Variants in HERC4 observed in about 807,000 individuals in gnomAD.
The protein encoded by HERC4 is HECT and RLD domain containing E3 ubiquitin protein ligase 4, also known as probable E3 ubiquitin-protein ligase HERC4.
HERC4 carries 28 observed loss-of-function variants against 124.3 expected under a neutral mutation model. The ratio of observed to expected loss-of-function variants is 0.23; its 90% CI spans 0.17 to 0.31. HERC4 has a LOEUF of 0.31. Among genes scored for constraint, HERC4 ranks in the 10% least tolerant of loss-of-function variants. HERC4 has a pLI of 1.00. For synonymous variants in HERC4, 407 were observed against 421.5 expected (o/e 0.97, Z 0.42); for missense variants, 713 against 1,229.3 (o/e 0.58, Z 6.28).
At chr10:67,991,441 T>C (rs1469717769) in intron 11 of HERC4, among the ~76,000 whole-genome samples, 9 of 152,204 alleles carry the variant, frequency 5.9e-5, no homozygotes, top group Admixed American at 5.9e-4. Context: ...ATTTATCCAA[T>C]GTTATCTGCT....
rs149190990 is a variant in HERC4 at position 67,980,225 on chromosome 10, C to T, written c.1806+8438G>A. 4.2e-3 allele frequency among the ~76,000 whole-genome samples: 645 copies of T among 152,230 alleles called. 5 individuals carry two copies. The highest frequency in any genetic ancestry group is 0.015 in the African/African-American group (616 of 41,540). On this transcript the variant is annotated intron_variant, in intron 15 of 24. Coordinates refer to ENST00000373700, the MANE Select transcript of HERC4 (RefSeq NM_015601.4). ...CTTCCAGATAGTCATCAAAACAGCA[C>T]GGTACTGGCATGATTCTCCTGTCTC...
chr10:67,942,202 T>C (rs930476616), intron 19 of HERC4, among the ~76,000 whole-genome samples: 23 of 152,224 alleles, frequency 1.5e-4, no homozygotes, highest in African/African-American at 4.1e-4. Context: ...TTTAGCAGTC[T>C]AGCCTCTGTG....
intron 17 of HERC4, chr10:67,955,341 T>C (rs542243662): frequency 1.7e-5 from 8 of 465,558 alleles, no homozygotes; most frequent in South Asian, 2.9e-5. Context: ...TAATGTATAA[T>C]GTATAACTCA....
At chr10:68,000,887 G>C (rs370042921) in intron 9 of HERC4, among the ~76,000 whole-genome samples, 2 of 152,158 alleles carry the variant, frequency 1.3e-5, no homozygotes, top group Non-Finnish European at 2.9e-5. Flanking sequence ...CGGACTTCTA[G>C]TCTGCAGAAT....
At position 68,038,080 on chromosome 10, in the gene HERC4, A is replaced by AACTAAT; in HGVS notation, c.463+7_463+12dup. On this transcript the variant is annotated intron_variant, in intron 5 of 24. Transcript: ENST00000373700. ...TAAAACTGAAGAGAAATAAAATAAAAACTAATGCTTACCTTTAGAAAGTGC... is the reference window on the plus strand; with the variant it reads ...TAAAACTGAAGAGAAATAAAATAAAAACTAATACTAATGCTTACCTTTAGAAAGTGC... 1 of 1,404,210 alleles carries AACTAAT rather than the reference A, an allele frequency of 7.1e-7. No homozygotes were observed. The highest frequency in any genetic ancestry group is 9.7e-7 in the Non-Finnish European group (1 of 1,032,332). 87.0% of individuals were successfully genotyped at this position (1,404,210 alleles called of 1,614,324 possible).
At chr10:68,073,281 A>C (rs2041655782) in intron 2 of HERC4, 95 bp from the exon 3 acceptor site, 2 of 581,670 alleles carry the variant, frequency 3.4e-6, no homozygotes, top group Non-Finnish European at 6.1e-6. Context: ...CTACATGGTA[A>C]ACATTAAATA....
At chr10:67,941,366 T>A (rs983017231) in intron 19 of HERC4, among the ~76,000 whole-genome samples, 13 of 151,088 alleles carry the variant, frequency 8.6e-5, no homozygotes, top group African/African-American at 3.1e-4. Flanking sequence ...AACTGTTTTC[T>A]CCCAGACATA....
At chr10:67,950,031 A>G (rs1589159569) in intron 19 of HERC4, among the ~76,000 whole-genome samples, 1 of 151,964 alleles carries the variant, frequency 6.6e-6, no homozygotes, top group Non-Finnish European at 1.5e-5. Flanking sequence ...AAAAAAACAA[A>G]AAACAAAACA....
chr10:67,972,178 C>T (rs2035276129), intron 15 of HERC4, among the ~76,000 whole-genome samples: 1 of 144,360 alleles, frequency 6.9e-6, no homozygotes. Flanking sequence ...CTCACCATTG[C>T]ACTCCAGTCT....
At position 67,966,915 on chromosome 10, in the gene HERC4, C is replaced by T. The variant is rs926385374; in HGVS notation, c.1807-113G>A. The T allele has an allele frequency of 7.2e-6, 5 of 694,992 alleles. No individual in the cohort carries two copies. In the African/African-American group the frequency reaches 7.6e-5, roughly 11 times the overall value. The allele number at this position is 694,992 out of a possible 1,614,324, so 43.1% of individuals were successfully genotyped here. A position where few individuals can be genotyped will look rare whatever the true frequency, so the allele number is the denominator to read the frequency against. ...TGTCAACCAGGCTGGAGTGCAGTGG[C>T]ACAATCTCAGCTCACTGCAAGCTCT... On this transcript the variant is annotated intron_variant, in intron 15 of 24. Coordinates refer to ENST00000373700, the MANE Select transcript of HERC4 (RefSeq NM_015601.4).
At chr10:67,945,323 T>C (rs1013641141) in intron 19 of HERC4, among the ~76,000 whole-genome samples, 1 of 152,100 alleles carries the variant, frequency 6.6e-6, no homozygotes. Context: ...AGGAAAAAAC[T>C]TTTATCCTAG....
At chr10:68,028,822 C>T (rs1179008155) in intron 7 of HERC4, among the ~76,000 whole-genome samples, 1 of 152,062 alleles carries the variant, frequency 6.6e-6, no homozygotes, top group Non-Finnish European at 1.5e-5. Flanking sequence ...ATAACTACTT[C>T]TTTGCTTTCT....
At chr10:68,035,575 C>T (rs146294383) in intron 5 of HERC4, among the ~76,000 whole-genome samples, 128 of 152,262 alleles carry the variant, frequency 8.4e-4, no homozygotes, top group African/African-American at 3.0e-3. Context: ...GATAATATTG[C>T]TCACCCCAAA....
chr10:68,015,696 G>A (rs2038221546), intron 8 of HERC4, among the ~76,000 whole-genome samples: 1 of 152,132 alleles, frequency 6.6e-6, no homozygotes, highest in African/African-American at 2.4e-5. Context: ...TTAATAGTTT[G>A]AAAATTACTG....
intron 3 of HERC4, among the ~76,000 whole-genome samples, chr10:68,066,131 G>T (rs2041291988): frequency 6.6e-6 from 1 of 152,094 alleles, no homozygotes; most frequent in Admixed American, 6.6e-5. Flanking sequence ...TCCTCTATTA[G>T]ATTCTTTCAT....
At chr10:68,059,507 A>AATATTATATATTATAACATTATATATT (rs1564607152) in intron 3 of HERC4, among the ~76,000 whole-genome samples, 5 of 121,330 alleles carry the variant, frequency 4.1e-5, no homozygotes, top group Non-Finnish European at 8.3e-5. Context: ...TATATATTAT[A>AATATTATATATTATAACATTATATATT]ATATTATATA....
At chr10:68,021,485 G>C (rs1030002579) in intron 8 of HERC4, among the ~76,000 whole-genome samples, 94 of 152,242 alleles carry the variant, frequency 6.2e-4, no homozygotes, top group African/African-American at 2.2e-3. Flanking sequence ...CATAATCTTG[G>C]AAGTTCTAGC....
chr10:67,941,227 G>T (rs2032858440), intron 19 of HERC4, 122 bp from the exon 20 acceptor site: 1 of 611,556 alleles, frequency 1.6e-6, no homozygotes, highest in Non-Finnish European at 2.6e-6. Context: ...AATAACAAAA[G>T]TTCATCCTCA....
chr10:68,045,088 A>G (rs1245192366), intron 3 of HERC4, among the ~76,000 whole-genome samples: 2 of 152,212 alleles, frequency 1.3e-5, no homozygotes, highest in Non-Finnish European at 2.9e-5. Context: ...TGGGAGGCCA[A>G]GGAGGGCGGA....
Sources: allele counts gnomAD v4.1 joint callset (sites outside exome capture counted in the v4.1 genomes callset), GRCh38; gene constraint gnomAD v4.1.1; transcripts MANE v1.5; gene names NCBI Gene and HGNC (gene_info 2026-07-23, HGNC 2026-07-21).